RPS6KA2: variants seen among roughly 807,000 people sequenced by gnomAD.
RPS6KA2 encodes the protein ribosomal protein S6 kinase A2, also known as ribosomal protein S6 kinase alpha-2.
Under a neutral mutation model 91.8 loss-of-function variants are expected in RPS6KA2, and 42 were observed. The ratio of observed to expected loss-of-function variants is 0.46; its 90% CI spans 0.36 to 0.59. RPS6KA2 has a LOEUF of 0.59. Among genes scored for constraint, RPS6KA2 ranks in the 20% least tolerant of loss-of-function variants. RPS6KA2 has a pLI of 0.00. For missense variants in RPS6KA2, 798 were observed against 978.5 expected (o/e 0.82, Z 2.46); for synonymous variants, 414 against 393.6 (o/e 1.05, Z -0.61).
At chr6:166,606,511 T>C (rs28391640) in intron 1 of RPS6KA2, among the ~76,000 whole-genome samples, 7 of 152,264 alleles carry the variant, frequency 4.6e-5, no homozygotes, top group Non-Finnish European at 1.0e-4. Flanking sequence ...ACAGAAGTTA[T>C]GGCATTTTTG....
chr6:166,689,150 C>T (rs1789120592), intron 2 of RPS6KA2, among the ~76,000 whole-genome samples: 1 of 152,242 alleles, frequency 6.6e-6, no homozygotes, highest in Non-Finnish European at 1.5e-5. Flanking sequence ...AAAAGCGCTC[C>T]CCTACCAAAG....
intron 2 of RPS6KA2, among the ~76,000 whole-genome samples, chr6:166,534,083 G>A (rs1171335222): frequency 2.0e-5 from 3 of 151,956 alleles, no homozygotes; most frequent in Non-Finnish European, 4.4e-5. Context: ...TTAGCCAGGC[G>A]CTGTGGCAGG....
In RPS6KA2 at chr6:166,825,277, C is replaced by G. The variant is rs775686668; in HGVS notation, c.123+32923G>C. ...GAATAAAAGGCAGGGCTGATGGTGC[C>G]GTGACTGCTGGGAATCCAGGGTACC... On this transcript the variant is annotated intron_variant, in intron 2 of 21. Coordinates refer to the RPS6KA2 transcript ENST00000503859. This position sits in a 1 kb window ranked among gnomAD's most constrained non-coding sequence, Gnocchi z 4.1. Among the ~76,000 whole-genome samples, 2 of 152,172 alleles carry G rather than the reference C, an allele frequency of 1.3e-5. No individual in the cohort carries two copies. The highest frequency in any genetic ancestry group is 4.8e-5 in the African/African-American group (2 of 41,440).
At chr6:166,625,320 ACCACC>A (rs1204928352) in intron 1 of RPS6KA2, among the ~76,000 whole-genome samples, 1 of 22,624 alleles carries the variant, frequency 4.4e-5, no homozygotes, top group Admixed American at 4.0e-4. Flanking sequence ...TCCTATTCCC[ACCACC>A]CCCCCACCCC....
At chr6:166,658,841 ACTCT>A (rs1788075518) in intron 2 of RPS6KA2, among the ~76,000 whole-genome samples, 2 of 151,998 alleles carry the variant, frequency 1.3e-5, no homozygotes, top group Admixed American at 1.3e-4. Flanking sequence ...CACTAGAGAG[ACTCT>A]CTCTGGAACT....
intron 2 of RPS6KA2, among the ~76,000 whole-genome samples, chr6:166,681,062 T>C: frequency 6.6e-6 from 1 of 152,200 alleles, no homozygotes; most frequent in East Asian, 1.9e-4. Context: ...AATCAGGCTT[T>C]GTTCCCTAGT....
In RPS6KA2 at chr6:166,767,669, G is replaced by T. The variant is rs935195224; in HGVS notation, c.123+90531C>A. ...GCAGCTCCCTAAGTTGCTTTGCAAA[G>T]GACTGAGTTTGGGTCACCTCATTAT... On this transcript the variant is annotated intron_variant, in intron 2 of 21. Coordinates refer to the RPS6KA2 transcript ENST00000503859. The surrounding 1 kb of genome is among the most constrained non-coding windows in gnomAD (Gnocchi z 4.6). Among the ~76,000 whole-genome samples, 11 of 152,118 alleles carry T rather than the reference G, an allele frequency of 7.2e-5. No individual in the cohort carries two copies. The highest frequency in any genetic ancestry group is 2.7e-4 in the African/African-American group (11 of 41,416).
rs547456931 is a variant in RPS6KA2 at position 166,612,472 on chromosome 6, C to T, written c.99+14449G>A. 5.3e-4 allele frequency among the ~76,000 whole-genome samples: 81 copies of T among 152,296 alleles called. No homozygotes were observed. Among genetic ancestry groups the T allele is most frequent in the Non-Finnish European group, 9.4e-4 (64 of 68,030 alleles). On this transcript the variant is annotated intron_variant, in intron 1 of 20. Coordinates refer to ENST00000265678, the MANE Select transcript of RPS6KA2 (RefSeq NM_021135.6). This position sits in a 1 kb window ranked among gnomAD's most constrained non-coding sequence, Gnocchi z 4.3. ...CACGGTGGCTCCTGCAGACCCCTGG[C>T]TCCCCTCGCGGGCTTGCAACCAGGC...
In RPS6KA2 at chr6:166,627,139, A is replaced by C. The variant is rs1411474244; in HGVS notation, c.-120T>G. On this transcript the variant is annotated 5_prime_UTR_variant, in exon 1 of 21. An upstream start codon of the reference 5' UTR is lost. Transcript: ENST00000265678. ...GGCCAGGGAGCCCGGCACGGCGGCC[A>C]TGGGCGCGGGGCGTGGGGCGCGAGC... 16 of 1,138,882 alleles carry C rather than the reference A, an allele frequency of 1.4e-5. No individual in the cohort carries two copies. Among genetic ancestry groups the C allele is most frequent in the Non-Finnish European group, 1.3e-5 (12 of 928,618 alleles). The allele number at this position is 1,138,882 out of a possible 1,614,324, so 70.5% of individuals were successfully genotyped here.
At chr6:166,642,404 C>T (rs1281957371) in intron 2 of RPS6KA2, among the ~76,000 whole-genome samples, 1 of 152,176 alleles carries the variant, frequency 6.6e-6, no homozygotes, top group Non-Finnish European at 1.5e-5. Context: ...AAGCTAGACA[C>T]ACACGAGCTG....
Position 166,825,960 on chromosome 6 carries a change from A to T in RPS6KA2, c.123+32240T>A, listed in dbSNP as rs1780040245. Among the ~76,000 whole-genome samples the T allele has an allele frequency of 6.6e-6, 1 of 152,220 alleles. No homozygotes were observed. On this transcript the variant is annotated intron_variant, in intron 2 of 21. Coordinates refer to the RPS6KA2 transcript ENST00000503859. The surrounding 1 kb of genome is among the most constrained non-coding windows in gnomAD (Gnocchi z 4.1). ...CCTGCCTTTCACGTCAACATTTGTG[A>T]GTAGAAAGTAAAGAAAATTGGATCA... is the stretch of plus-strand genomic sequence containing the variant.
intron 2 of RPS6KA2, among the ~76,000 whole-genome samples, chr6:166,719,370 C>T (rs1452202284): frequency 6.6e-6 from 1 of 152,128 alleles, no homozygotes; most frequent in East Asian, 1.9e-4. Flanking sequence ...CTTCTTTTGA[C>T]TTTTTTCCAA....
chr6:166,614,799 G>A (rs778448202), intron 1 of RPS6KA2, among the ~76,000 whole-genome samples: 22 of 151,974 alleles, frequency 1.4e-4, no homozygotes, highest in Admixed American at 2.0e-4. Context: ...ACCCTTTCCC[G>A]CTTCTGCAAT....
chr6:166,791,027 T>A (rs1483766653), intron 2 of RPS6KA2, among the ~76,000 whole-genome samples: 1 of 152,156 alleles, frequency 6.6e-6, no homozygotes, highest in Admixed American at 6.6e-5. Context: ...TAACTTTAAA[T>A]GTAAATGGGC....
chr6:166,514,638 A>G (rs1230147114), intron 3 of RPS6KA2, among the ~76,000 whole-genome samples: 1 of 152,206 alleles, frequency 6.6e-6, no homozygotes, highest in Non-Finnish European at 1.5e-5. Context: ...ACTTTCACAC[A>G]GCACATGTTT....
At chr6:166,550,545 C>T (rs1005564282) in intron 1 of RPS6KA2, among the ~76,000 whole-genome samples, 6 of 152,186 alleles carry the variant, frequency 3.9e-5, no homozygotes, top group African/African-American at 9.7e-5. Flanking sequence ...AATCAGGGTA[C>T]AGATGGCGAA....
intron 2 of RPS6KA2, among the ~76,000 whole-genome samples, chr6:166,643,015 T>C (rs1787493451): frequency 6.6e-6 from 1 of 152,208 alleles, no homozygotes; most frequent in Non-Finnish European, 1.5e-5. Context: ...AGTTTTACTG[T>C]AAACATAGAA....
At chr6:166,589,270 C>T (rs189652758) in intron 1 of RPS6KA2, among the ~76,000 whole-genome samples, 34 of 152,294 alleles carry the variant, frequency 2.2e-4, no homozygotes, top group Non-Finnish European at 4.1e-4. Flanking sequence ...CAGGAAACCA[C>T]GGTGCATTCC....
intron 1 of RPS6KA2, among the ~76,000 whole-genome samples, chr6:166,577,007 G>A (rs1022548481): frequency 3.3e-5 from 5 of 152,144 alleles, no homozygotes; most frequent in Non-Finnish European, 5.9e-5. Context: ...GACTAAAAGG[G>A]GCCAAGGTAC....
Sources: gnomAD v4.1 joint callset for allele counts (sites outside exome capture counted in the v4.1 genomes callset) on GRCh38, gnomAD v4.1.1 for gene constraint, Gnocchi (gnomAD v3.1) non-coding constraint, MANE v1.5 for transcripts, NCBI Gene and HGNC (gene_info 2026-07-23, HGNC 2026-07-21) for gene names.